CTNND2: variants seen among roughly 807,000 people sequenced by gnomAD.
CTNND2 encodes the protein catenin delta-2.
Under a neutral mutation model 144.4 loss-of-function variants are expected in CTNND2, and 22 were observed. The ratio of observed to expected loss-of-function variants is 0.15; its 90% CI spans 0.11 to 0.22. CTNND2 has a LOEUF of 0.22. Ranked by LOEUF, CTNND2 falls within the 10% of genes least tolerant of loss-of-function variation. The pLI, the probability that CTNND2 is intolerant of heterozygous loss-of-function variation, is 1.00. For missense variants in CTNND2, 1,353 were observed against 1,618.8 expected (o/e 0.84, Z 2.82); for synonymous variants, 751 against 695.6 (o/e 1.08, Z -1.25).
chr5:10,991,701 A>G (rs967666535), intron 19 of CTNND2, among the ~76,000 whole-genome samples: 2 of 152,224 alleles, frequency 1.3e-5, no homozygotes, highest in African/African-American at 4.8e-5. Flanking sequence ...AATTAAATGG[A>G]ATGACATGGA....
At chr5:11,823,950 A>G (rs187806975) in intron 1 of CTNND2, among the ~76,000 whole-genome samples, 260 of 152,172 alleles carry the variant, frequency 1.7e-3, no homozygotes, top group African/African-American at 5.8e-3. Context: ...TCTACTAAAA[A>G]TACAAAAATT....
rs1407202128 is a variant in CTNND2, at chr5:11,600,199, TAC to T, written c.175-35145_175-35144del. Among the ~76,000 whole-genome samples, 5 of 152,308 alleles carry T rather than the reference TAC, an allele frequency of 3.3e-5. No homozygotes were observed. In the East Asian group the frequency reaches 9.6e-4, roughly 29 times the overall value. On this transcript the variant is annotated intron_variant, in intron 2 of 21. Coordinates refer to ENST00000304623, the MANE Select transcript of CTNND2 (RefSeq NM_001332.4). The stretch of plus-strand genomic sequence containing the variant: ...TTACAGAATTACATACCTATGCTAA[TAC>T]AGCAAGTGTGTGGACACACTGTTTT...
chr5:11,561,150 C>A (rs1776654532), intron 3 of CTNND2, among the ~76,000 whole-genome samples: 1 of 152,140 alleles, frequency 6.6e-6, no homozygotes, highest in South Asian at 2.1e-4. Flanking sequence ...GAGGTTAGGG[C>A]TGGCTACTAC....
chr5:11,541,838 A>AC (rs71595823), intron 3 of CTNND2, among the ~76,000 whole-genome samples: 3,871 of 75,058 alleles, frequency 0.052, 180 homozygotes, highest in African/African-American at 0.066. Flanking sequence ...TTTATTATCG[A>AC]CCCCCCCCCC....
chr5:11,655,938 G>T (rs1257266315), intron 2 of CTNND2, among the ~76,000 whole-genome samples: 2 of 151,926 alleles, frequency 1.3e-5, no homozygotes, highest in Admixed American at 1.3e-4. Flanking sequence ...CTGAGTCAGC[G>T]ATCTTTGACT....
chr5:11,408,585 A>T (rs1761270881), intron 5 of CTNND2, among the ~76,000 whole-genome samples: 1 of 152,140 alleles, frequency 6.6e-6, no homozygotes, highest in Non-Finnish European at 1.5e-5. Flanking sequence ...AGAAATAATC[A>T]ACTAAAATCC....
At chr5:11,143,743 G>A (rs1756967823) in intron 12 of CTNND2, among the ~76,000 whole-genome samples, 2 of 152,252 alleles carry the variant, frequency 1.3e-5, no homozygotes. Context: ...TAAGGAGAGT[G>A]AATCATTTGA....
At chr5:11,704,409 C>T (rs925187871) in intron 2 of CTNND2, among the ~76,000 whole-genome samples, 4 of 152,216 alleles carry the variant, frequency 2.6e-5, no homozygotes, top group African/African-American at 7.2e-5. Context: ...AGATGGTTCA[C>T]TTTAACAGAG....
chr5:11,579,710 G>A (rs1281505344), intron 2 of CTNND2, among the ~76,000 whole-genome samples: 1 of 152,148 alleles, frequency 6.6e-6, no homozygotes, highest in East Asian at 1.9e-4. Context: ...CATGTACAAA[G>A]TATAACCTTA....
In CTNND2 at chr5:10,982,541, A is replaced by G. The variant is rs566814349; in HGVS notation, c.3344-695T>C. Among the ~76,000 whole-genome samples the G allele has an allele frequency of 2.6e-5, 4 of 152,282 alleles. 1 individual carries two copies. The highest frequency in any genetic ancestry group is 7.2e-5 in the African/African-American group (3 of 41,566). ...GAAACCCTTGAAGCTCAAGCCACCC[A>G]CTCAGAGGAAGGGCACAGGCCACCA... On this transcript the variant is annotated intron_variant, in intron 20 of 21. Transcript: ENST00000304623.
chr5:11,567,975 G>A (rs1364407929), intron 2 of CTNND2, among the ~76,000 whole-genome samples: 2 of 152,266 alleles, frequency 1.3e-5, no homozygotes, highest in Non-Finnish European at 2.9e-5. Flanking sequence ...TGATACTTTT[G>A]AGCCTTGCTT....
At chr5:11,038,633 T>C (rs1254632228) in intron 16 of CTNND2, among the ~76,000 whole-genome samples, 1 of 152,168 alleles carries the variant, frequency 6.6e-6, no homozygotes, top group Non-Finnish European at 1.5e-5. Context: ...AGGTAGTGGA[T>C]GTGAAACCTG....
At chr5:11,458,000 C>A (rs1765882271) in intron 3 of CTNND2, among the ~76,000 whole-genome samples, 1 of 152,186 alleles carries the variant, frequency 6.6e-6, no homozygotes, top group Non-Finnish European at 1.5e-5. Flanking sequence ...CTGCCACTTA[C>A]TAGCTGAGCA....
intron 3 of CTNND2, among the ~76,000 whole-genome samples, chr5:11,468,019 T>G (rs1766833798): frequency 6.6e-6 from 1 of 152,258 alleles, no homozygotes; most frequent in African/African-American, 2.4e-5. Flanking sequence ...CTTCTTCTTT[T>G]GCTAATTTCA....
chr5:11,682,547 T>C (rs917407529), intron 2 of CTNND2, among the ~76,000 whole-genome samples: 5 of 152,216 alleles, frequency 3.3e-5, no homozygotes, highest in Non-Finnish European at 5.9e-5. Flanking sequence ...GAAAAAAGGT[T>C]CCTCCTTTAA....
Position 11,439,798 on chromosome 5 carries a change from ATCT to A in CTNND2, c.288-27732_288-27730del, listed in dbSNP as rs1188866663. On this transcript the variant is annotated intron_variant, in intron 3 of 21. Transcript: ENST00000304623. ...TATCTATCTATCTATCTATCTATCT[ATCT>A]TATATATATGTGTGTATATATATGT... Among the ~76,000 whole-genome samples the A allele has an allele frequency of 6.5e-4, 81 of 124,112 alleles. 1 individual carries two copies. The South Asian group carries it at 0.023, about 35-fold the overall frequency. 81.4% of individuals were successfully genotyped at this position (124,112 alleles called of 152,430 possible). A position where few individuals can be genotyped will look rare whatever the true frequency, so the allele number is the denominator to read the frequency against.
intron 16 of CTNND2, among the ~76,000 whole-genome samples, chr5:11,077,493 A>G (rs1749072695): frequency 6.6e-6 from 1 of 152,196 alleles, no homozygotes; most frequent in African/African-American, 2.4e-5. Context: ...GTAATATAGG[A>G]ATCACAGTCA....
intron 3 of CTNND2, among the ~76,000 whole-genome samples, chr5:11,438,955 T>C (rs1005120365): frequency 6.6e-6 from 1 of 152,092 alleles, no homozygotes; most frequent in Admixed American, 6.6e-5. Context: ...GTTACATATG[T>C]TCAATGTCTT....
Position 10,988,078 on chromosome 5 carries a change from A to G in CTNND2, c.3343+33T>C. The G allele has an allele frequency of 6.2e-7, 1 of 1,613,114 alleles. No homozygotes were observed. The highest frequency in any genetic ancestry group is 2.2e-5 in the East Asian group (1 of 44,820). The stretch of plus-strand genomic sequence containing the variant: ...TGCCTTGTCGCGGGTCAAGCCACCA[A>G]GTTCCAGGAGGGGGCGCGCGAGGGG... On this transcript the variant is annotated intron_variant, in intron 20 of 21. Coordinates refer to ENST00000304623, the MANE Select transcript of CTNND2 (RefSeq NM_001332.4). The surrounding 1 kb of genome is among the most constrained non-coding windows in gnomAD (Gnocchi z 5.9).
Sources: allele counts gnomAD v4.1 joint callset (sites outside exome capture counted in the v4.1 genomes callset), GRCh38; gene constraint gnomAD v4.1.1; non-coding constraint Gnocchi (gnomAD v3.1); transcripts MANE v1.5; gene names NCBI Gene and HGNC (gene_info 2026-07-23, HGNC 2026-07-21).